Variants in CTNND2 observed in about 807,000 individuals in gnomAD.
CTNND2 encodes the protein catenin delta-2.
Under a neutral mutation model 144.4 loss-of-function variants are expected in CTNND2, and 22 were observed. The observed-to-expected ratio is 0.15, with a 90% CI of 0.11 to 0.22. The LOEUF is 0.22. Ranked by LOEUF, CTNND2 falls within the 10% of genes least tolerant of loss-of-function variation. The pLI is 1.00. For missense variants in CTNND2, 1,353 were observed against 1,618.8 expected (o/e 0.84, Z 2.82); for synonymous variants, 751 against 695.6 (o/e 1.08, Z -1.25).
intron 5 of CTNND2, among the ~76,000 whole-genome samples, chr5:11,398,834 G>C (rs752947928): frequency 2.0e-5 from 3 of 150,630 alleles, no homozygotes; most frequent in Non-Finnish European, 4.4e-5. Context: ...GATGCATTTA[G>C]AATTTGATTC....
chr5:11,744,685 T>G (rs10658336), intron 1 of CTNND2, among the ~76,000 whole-genome samples: 57 of 147,694 alleles, frequency 3.9e-4, no homozygotes, highest in South Asian at 1.7e-3. Flanking sequence ...GTGTGTGTGT[T>G]TGTGTGTGTG....
intron 3 of CTNND2, among the ~76,000 whole-genome samples, chr5:11,447,683 G>A (rs963039000): frequency 6.6e-6 from 1 of 152,152 alleles, no homozygotes; most frequent in Admixed American, 6.5e-5. Flanking sequence ...GCCTGTCCCT[G>A]AGGGCGGATG....
At chr5:11,882,606 G>A (rs188209539) in intron 1 of CTNND2, among the ~76,000 whole-genome samples, 8 of 151,942 alleles carry the variant, frequency 5.3e-5, no homozygotes, top group Admixed American at 2.6e-4. Flanking sequence ...GTCAAAAATC[G>A]GTTAACCAGA....
At chr5:11,238,767 TACTC>T (rs1259324933) in intron 9 of CTNND2, among the ~76,000 whole-genome samples, 8 of 151,990 alleles carry the variant, frequency 5.3e-5, no homozygotes, top group Non-Finnish European at 1.0e-4. Flanking sequence ...CACACACACA[TACTC>T]AGAAAGACAT....
At chr5:11,423,698 T>C (rs1405702852) in intron 3 of CTNND2, among the ~76,000 whole-genome samples, 1 of 152,200 alleles carries the variant, frequency 6.6e-6, no homozygotes, top group Non-Finnish European at 1.5e-5. Context: ...TACACTGATG[T>C]GCTCATAGCT....
chr5:11,833,047 G>A (rs1253338123), intron 1 of CTNND2, among the ~76,000 whole-genome samples: 1 of 152,124 alleles, frequency 6.6e-6, no homozygotes, highest in Non-Finnish European at 1.5e-5. Context: ...CTGGAATCTT[G>A]GAAATGGAAA....
intron 1 of CTNND2, among the ~76,000 whole-genome samples, chr5:11,878,350 AGT>A (rs1735713287): frequency 1.3e-5 from 2 of 152,140 alleles, no homozygotes; most frequent in Admixed American, 1.3e-4. Flanking sequence ...TTCTTACAAA[AGT>A]TTGCTGGCTT....
chr5:11,489,090 G>A (rs1216226364), intron 3 of CTNND2, among the ~76,000 whole-genome samples: 3 of 152,066 alleles, frequency 2.0e-5, no homozygotes, highest in Non-Finnish European at 4.4e-5. Flanking sequence ...TGGATTCTGG[G>A]TCACAGGGTA....
chr5:11,260,223 A>G (rs1484957206), intron 9 of CTNND2, among the ~76,000 whole-genome samples: 2 of 152,206 alleles, frequency 1.3e-5, no homozygotes, highest in Non-Finnish European at 2.9e-5. Context: ...ACAAAGACTC[A>G]TGCTGAGAGG....
At chr5:11,520,996 G>A (rs374398005) in intron 3 of CTNND2, among the ~76,000 whole-genome samples, 15 of 152,246 alleles carry the variant, frequency 9.9e-5, no homozygotes, top group East Asian at 9.7e-4. Context: ...TACAGTTTAC[G>A]TGATACGATT....
chr5:11,313,595 A>G (rs1239940818), intron 9 of CTNND2, among the ~76,000 whole-genome samples: 1 of 151,968 alleles, frequency 6.6e-6, no homozygotes, highest in Non-Finnish European at 1.5e-5. Context: ...CTGGGCATAG[A>G]GCAGCCATGT....
chr5:11,266,302 TG>T (rs545803501), intron 9 of CTNND2, among the ~76,000 whole-genome samples: 410 of 152,296 alleles, frequency 2.7e-3, no homozygotes, highest in Admixed American at 6.8e-3. Flanking sequence ...ACTGGGCCAA[TG>T]GATTCTCGCC....
At chr5:11,325,907 C>G (rs944271789) in intron 9 of CTNND2, among the ~76,000 whole-genome samples, 17 of 152,200 alleles carry the variant, frequency 1.1e-4, no homozygotes, top group African/African-American at 4.1e-4. Context: ...GAGGACTGCA[C>G]CCAAATGGCT....
intron 2 of CTNND2, among the ~76,000 whole-genome samples, chr5:11,636,724 C>T (rs950874901): frequency 6.6e-6 from 1 of 152,194 alleles, no homozygotes; most frequent in African/African-American, 2.4e-5. Flanking sequence ...GTCATCTTGG[C>T]AGCCAGCTGA....
chr5:11,077,703 TG>T (rs1318899158), intron 16 of CTNND2, among the ~76,000 whole-genome samples: 15 of 151,846 alleles, frequency 9.9e-5, no homozygotes, highest in African/African-American at 3.4e-4. Context: ...CCATCTAGGG[TG>T]AAGGAAGCAC....
intron 16 of CTNND2, among the ~76,000 whole-genome samples, chr5:11,071,395 A>G (rs10064740): frequency 0.074 from 11,220 of 152,084 alleles, 736 homozygotes; most frequent in African/African-American, 0.17. Context: ...AAAATTAGTC[A>G]GGCATGGTGG....
Position 11,382,293 on chromosome 5 carries a change from T to A in CTNND2, c.1177+2372A>T, listed in dbSNP as rs74961727. ...TAAATCAATGGCAGTACATAAAAGG[T>A]GCTTAAAAGTAATTATTGAAGGTGG... On this transcript the variant is annotated intron_variant, in intron 7 of 21. Coordinates refer to ENST00000304623, the MANE Select transcript of CTNND2 (RefSeq NM_001332.4). Among the ~76,000 whole-genome samples the A allele has an allele frequency of 6.8e-4, 104 of 152,190 alleles. 1 individual carries two copies. In the East Asian group the frequency reaches 0.015, roughly 21 times the overall value.
intron 2 of CTNND2, among the ~76,000 whole-genome samples, chr5:11,628,090 T>G (rs1781246159): frequency 6.6e-6 from 1 of 151,942 alleles, no homozygotes; most frequent in South Asian, 2.1e-4. Flanking sequence ...GACCCTTGCT[T>G]TATAGAATAC....
At chr5:11,145,465 AG>A (rs1757152442) in intron 12 of CTNND2, among the ~76,000 whole-genome samples, 1 of 152,068 alleles carries the variant, frequency 6.6e-6, no homozygotes, top group African/African-American at 2.4e-5. Flanking sequence ...GATGCAGATG[AG>A]GATGCCTGCT....
Sources: gnomAD v4.1 joint callset for allele counts (sites outside exome capture counted in the v4.1 genomes callset) on GRCh38, gnomAD v4.1.1 for gene constraint, MANE v1.5 for transcripts, NCBI Gene and HGNC (gene_info 2026-07-23, HGNC 2026-07-21) for gene names.